CSMD1: variants seen among roughly 807,000 people sequenced by gnomAD.
The protein encoded by CSMD1 is CUB and sushi domain-containing protein 1.
CSMD1 carries 213 observed loss-of-function variants against 417.5 expected under a neutral mutation model. The observed-to-expected ratio is 0.51, with a 90% CI of 0.46 to 0.57. The LOEUF (loss-of-function observed/expected upper bound fraction) is 0.57. Ranked by LOEUF, CSMD1 falls within the 20% of genes least tolerant of loss-of-function variation. CSMD1 has a pLI of 0.00. For synonymous variants in CSMD1, 2,862 were observed against 1,736.8 expected (o/e 1.65, Z -16.11); for missense variants, 6,923 against 4,529.7 (o/e 1.53, Z -15.17).
intron 3 of CSMD1, among the ~76,000 whole-genome samples, chr8:4,146,748 A>G (rs1027690023): frequency 6.7e-6 from 1 of 149,182 alleles, no homozygotes; most frequent in African/African-American, 2.6e-5. Context: ...AGGAGCTGGG[A>G]CTACAGGCGC....
At chr8:3,738,416 C>A (rs113014370) in intron 6 of CSMD1, among the ~76,000 whole-genome samples, 14 of 152,338 alleles carry the variant, frequency 9.2e-5, no homozygotes, top group African/African-American at 3.1e-4. Flanking sequence ...GTGGTTGTCA[C>A]ACCTTTTATT....
intron 10 of CSMD1, among the ~76,000 whole-genome samples, chr8:3,545,786 A>T (rs898660178): frequency 2.0e-5 from 3 of 152,254 alleles, no homozygotes; most frequent in African/African-American, 7.2e-5. Flanking sequence ...TGTTAAAAAA[A>T]TAGTCACATT....
chr8:3,990,602 A>G lies in CSMD1; in HGVS notation c.818+7301T>C, dbSNP rs532872479. 6.6e-5 allele frequency among the ~76,000 whole-genome samples: 10 copies of G among 152,346 alleles called. No individual in the cohort carries two copies. The South Asian group carries it at 2.1e-3, about 32-fold the overall frequency. On this transcript the variant is annotated intron_variant, in intron 5 of 69. Transcript: ENST00000635120. ...ATTTCAAATACGTATTCTTTGAAAT[A>G]GTTTTTTAACTTTATTGAAACTCTG... is the stretch of plus-strand genomic sequence containing the variant.
chr8:3,870,425 A>T (rs1326315955), intron 5 of CSMD1, among the ~76,000 whole-genome samples: 1 of 152,186 alleles, frequency 6.6e-6, no homozygotes, highest in Non-Finnish European at 1.5e-5. Flanking sequence ...AAACATTTAT[A>T]TGCATATATC....
intron 3 of CSMD1, among the ~76,000 whole-genome samples, chr8:4,258,716 G>A (rs994844959): frequency 1.3e-5 from 2 of 151,958 alleles, no homozygotes; most frequent in East Asian, 1.9e-4. Context: ...ACTGGGATGA[G>A]GGGTGGAACA....
chr8:3,341,587 G>C (rs1475842890), intron 23 of CSMD1, among the ~76,000 whole-genome samples: 1 of 152,150 alleles, frequency 6.6e-6, no homozygotes, highest in Non-Finnish European at 1.5e-5. Context: ...ATCGCAAATT[G>C]CAGCAGTGTT....
chr8:4,158,089 CT>C (rs57117925), intron 3 of CSMD1, among the ~76,000 whole-genome samples: 84,153 of 141,934 alleles, frequency 0.59, 25,837 homozygotes, highest in Non-Finnish European at 0.7. Context: ...CAAGAAAACC[CT>C]TTTTTTTTTT....
chr8:4,298,253 AAC>A (rs1362772839), intron 3 of CSMD1, among the ~76,000 whole-genome samples: 1 of 152,214 alleles, frequency 6.6e-6, no homozygotes, highest in East Asian at 1.9e-4. Flanking sequence ...TAAAACTAAA[AAC>A]ACATACATTA....
At chr8:3,220,930 C>G (rs1464985426) in intron 28 of CSMD1, among the ~76,000 whole-genome samples, 3 of 152,176 alleles carry the variant, frequency 2.0e-5, no homozygotes, top group African/African-American at 7.2e-5. Flanking sequence ...TCATATGTGT[C>G]TTTAAAAAGC....
At chr8:3,868,641 T>G (rs898503890) in intron 5 of CSMD1, among the ~76,000 whole-genome samples, 4 of 152,136 alleles carry the variant, frequency 2.6e-5, no homozygotes, top group African/African-American at 9.7e-5. Context: ...AAGTTCCTAA[T>G]ATTTCTCCTC....
chr8:4,141,238 C>G (rs563704926), intron 3 of CSMD1, among the ~76,000 whole-genome samples: 2 of 151,160 alleles, frequency 1.3e-5, no homozygotes, highest in African/African-American at 4.9e-5. Flanking sequence ...TTACAAGATA[C>G]TGAAGAATAA....
At chr8:4,624,237 T>C (rs1317209042) in intron 2 of CSMD1, among the ~76,000 whole-genome samples, 1 of 152,134 alleles carries the variant, frequency 6.6e-6, no homozygotes, top group Non-Finnish European at 1.5e-5. Flanking sequence ...AACGTGCAAG[T>C]ACACTTCCGG....
intron 5 of CSMD1, among the ~76,000 whole-genome samples, chr8:3,783,310 AAC>A (rs1799279417): frequency 6.6e-6 from 1 of 152,204 alleles, no homozygotes; most frequent in Admixed American, 6.5e-5. Context: ...ATGGATGGGA[AAC>A]ACAGTGCAGA....
chr8:4,691,890 C>G (rs1200660877), intron 1 of CSMD1, among the ~76,000 whole-genome samples: 2 of 152,190 alleles, frequency 1.3e-5, no homozygotes. Flanking sequence ...TTGGCAGGTG[C>G]CATGAACTCA....
chr8:4,845,160 C>G (rs1801070717), intron 1 of CSMD1, among the ~76,000 whole-genome samples: 1 of 152,104 alleles, frequency 6.6e-6, no homozygotes, highest in South Asian at 2.1e-4. Flanking sequence ...CAATAATCAC[C>G]TCTTATGAGA....
At chr8:3,795,207 G>T (rs186695241) in intron 5 of CSMD1, among the ~76,000 whole-genome samples, 1 of 82,712 alleles carries the variant, frequency 1.2e-5, no homozygotes, top group African/African-American at 5.5e-5. Flanking sequence ...TACAGATATA[G>T]ATACCTATCA....
At chr8:4,443,931 A>G (rs932372899) in intron 2 of CSMD1, among the ~76,000 whole-genome samples, 12 of 152,182 alleles carry the variant, frequency 7.9e-5, no homozygotes, top group Non-Finnish European at 1.8e-4. Context: ...ATGCGTACAT[A>G]TACATGCATA....
chr8:3,481,604 G>A (rs35309862), intron 11 of CSMD1, among the ~76,000 whole-genome samples: 2 of 152,092 alleles, frequency 1.3e-5, no homozygotes, highest in South Asian at 2.1e-4. Context: ...GTTAAGGATC[G>A]AAATGTGGGG....
Position 3,197,628 on chromosome 8 carries a change from G to A in CSMD1, c.5194+2086C>T, listed in dbSNP as rs564293368. On this transcript the variant is annotated intron_variant, in intron 33 of 69. Transcript: ENST00000635120. The stretch of plus-strand genomic sequence containing the variant: ...CTACAGGTGCCCGCCACCACGCCCG[G>A]CTAATTTTTGTATTTTTAGTAGAGA... Among the ~76,000 whole-genome samples, 13 of 151,998 alleles carry A rather than the reference G, an allele frequency of 8.6e-5. No individual in the cohort carries two copies. In the East Asian group the frequency reaches 2.5e-3, roughly 30 times the overall value.
Sources: allele counts gnomAD v4.1 joint callset (sites outside exome capture counted in the v4.1 genomes callset), GRCh38; gene constraint gnomAD v4.1.1; transcripts MANE v1.5; gene names NCBI Gene and HGNC (gene_info 2026-07-23, HGNC 2026-07-21).